IKBKB-DT: variants seen among roughly 807,000 people sequenced by gnomAD.
IKBKB-DT encodes IKBKB antisense RNA.
intron 3 of IKBKB-DT, among the ~76,000 whole-genome samples, chr8:42,239,115 A>G (rs888190957): frequency 6.6e-6 from 1 of 152,132 alleles, no homozygotes; most frequent in African/African-American, 2.4e-5. Flanking sequence ...GTGGTATCAG[A>G]GGAAGCAAGC....
intron 3 of IKBKB-DT, among the ~76,000 whole-genome samples, chr8:42,260,129 G>A (rs1390474324): frequency 6.6e-6 from 1 of 152,134 alleles, no homozygotes. Context: ...GTTCCCCAAA[G>A]AAGCCAGTAA....
At chr8:42,244,371 C>G (rs148025236) in intron 3 of IKBKB-DT, among the ~76,000 whole-genome samples, 11 of 152,246 alleles carry the variant, frequency 7.2e-5, no homozygotes, top group Non-Finnish European at 1.5e-4. Flanking sequence ...AGGGGGCTTC[C>G]CGGGCAGTTC....
chr8:42,242,048 C>T (rs548153825), intron 3 of IKBKB-DT, among the ~76,000 whole-genome samples: 21 of 152,200 alleles, frequency 1.4e-4, no homozygotes, highest in Admixed American at 1.2e-3. Context: ...AACCCCATCT[C>T]TACTAAAAAT....
chr8:42,240,959 A>G (rs1806994120), intron 3 of IKBKB-DT, among the ~76,000 whole-genome samples: 1 of 152,134 alleles, frequency 6.6e-6, no homozygotes. Context: ...TGGGCAACAT[A>G]GCAAGACTCC....
exon 1 of IKBKB-DT, chr8:42,271,090 G>A (rs1807617882): frequency 2.4e-6 from 1 of 411,016 alleles, no homozygotes; most frequent in East Asian, 5.6e-5. Context: ...AGAACAGGGT[G>A]TAACGGGGGT....
exon 2 of IKBKB-DT, chr8:42,266,200 C>T (rs1319971288): frequency 6.6e-6 from 1 of 152,492 alleles, no homozygotes; most frequent in African/African-American, 2.4e-5. Flanking sequence ...TCAGATGGGT[C>T]ATGAAAGAGT....
At chr8:42,259,118 C>T (rs772274501) in intron 3 of IKBKB-DT, among the ~76,000 whole-genome samples, 4 of 151,830 alleles carry the variant, frequency 2.6e-5, no homozygotes, top group Non-Finnish European at 4.4e-5. Context: ...CTCTGCCTCT[C>T]GGGTTCAAGC....
At chr8:42,238,489 T>A (rs1252725234) in intron 3 of IKBKB-DT, among the ~76,000 whole-genome samples, 4 of 152,158 alleles carry the variant, frequency 2.6e-5, no homozygotes, top group Admixed American at 6.5e-5. Flanking sequence ...GTCCACAAGA[T>A]GAGGATGATG....
intron 3 of IKBKB-DT, among the ~76,000 whole-genome samples, chr8:42,246,882 G>T (rs1807071482): frequency 6.6e-6 from 1 of 152,136 alleles, no homozygotes; most frequent in Non-Finnish European, 1.5e-5. Flanking sequence ...GGATGAAATT[G>T]TTCCACCTCA....
At chr8:42,237,473 A>T (rs1426120589) in intron 3 of IKBKB-DT, among the ~76,000 whole-genome samples, 1 of 151,760 alleles carries the variant, frequency 6.6e-6, no homozygotes. Flanking sequence ...GGCATATCTG[A>T]CCTCCTTTCC....
intron 3 of IKBKB-DT, among the ~76,000 whole-genome samples, chr8:42,249,994 A>T (rs2976701): frequency 1.3e-5 from 2 of 152,174 alleles, no homozygotes; most frequent in Non-Finnish European, 2.9e-5. Flanking sequence ...AGATAGAGCC[A>T]ATTTATCAAG....
intron 3 of IKBKB-DT, among the ~76,000 whole-genome samples, chr8:42,242,661 G>A (rs1462898502): frequency 1.3e-5 from 2 of 152,182 alleles, no homozygotes; most frequent in Non-Finnish European, 2.9e-5. Context: ...AGCATCTGCG[G>A]CTGATGCCTA....
rs1807072448 is a variant in IKBKB-DT, at chr8:42,246,969, TC to T, written n.1530-13111del. Reference sequence around the variant, plus strand: ...TCACATGCATAGTTCACAACAGGGTTCCTGCTCCTAGGAGAATCTGAGGCCG... The same window carrying T: ...TCACATGCATAGTTCACAACAGGGTTCTGCTCCTAGGAGAATCTGAGGCCG... On this transcript the variant is annotated intron_variant and non_coding_transcript_variant, in intron 3 of 3. Transcript: ENST00000518213. 7.2e-5 allele frequency among the ~76,000 whole-genome samples: 11 copies of T among 152,232 alleles called. No homozygotes were observed. The South Asian group carries it at 2.3e-3, about 32-fold the overall frequency.
At chr8:42,253,184 T>C (rs960699429) in intron 3 of IKBKB-DT, among the ~76,000 whole-genome samples, 1 of 152,232 alleles carries the variant, frequency 6.6e-6, no homozygotes. Flanking sequence ...TATCTTAACC[T>C]GAACATTTCC....
chr8:42,239,614 T>TTATATATATTTA (rs1554502584), intron 3 of IKBKB-DT, among the ~76,000 whole-genome samples: 31 of 19,912 alleles, frequency 1.6e-3, no homozygotes, highest in African/African-American at 4.0e-3. Flanking sequence ...AAAAGGCAAT[T>TTATATATATTTA]TATATATATA....
rs773177896 is a variant in IKBKB-DT at position 42,241,224 on chromosome 8, C to CTTTTTTTTTTTTTTTTTTTTTTTT, written n.1530-7389_1530-7366dup. Among the ~76,000 whole-genome samples the CTTTTTTTTTTTTTTTTTTTTTTTT allele has an allele frequency of 6.6e-5, 3 of 45,694 alleles. 1 individual carries two copies. Among genetic ancestry groups the CTTTTTTTTTTTTTTTTTTTTTTTT allele is most frequent in the Non-Finnish European group, 4.5e-5 (1 of 22,100 alleles). 30.0% of individuals were successfully genotyped at this position (45,694 alleles called of 152,430 possible). A position where few individuals can be genotyped will look rare whatever the true frequency, so the allele number is the denominator to read the frequency against. The stretch of plus-strand genomic sequence containing the variant: ...TTGATGCCTTTAGATATGTTGGAAT[C>CTTTTTTTTTTTTTTTTTTTTTTTT]TTTTTTTTTTTTTTTTTTTTTTTTT... On this transcript the variant is annotated intron_variant and non_coding_transcript_variant, in intron 3 of 3. Transcript: ENST00000518213.
At chr8:42,254,736 C>A (rs992432979) in intron 3 of IKBKB-DT, among the ~76,000 whole-genome samples, 1 of 149,974 alleles carries the variant, frequency 6.7e-6, no homozygotes, top group African/African-American at 2.5e-5. Context: ...AGCTTCCCAC[C>A]GTCTGGGAAG....
At chr8:42,252,630 G>A (rs1423507695) in intron 3 of IKBKB-DT, among the ~76,000 whole-genome samples, 1 of 152,228 alleles carries the variant, frequency 6.6e-6, no homozygotes, top group Non-Finnish European at 1.5e-5. Context: ...GCCTCCCAAT[G>A]TGCTGGGATT....
chr8:42,251,041 TCGAGACCAGCC>T (rs1807123033), intron 3 of IKBKB-DT, among the ~76,000 whole-genome samples: 2 of 151,988 alleles, frequency 1.3e-5, no homozygotes, highest in African/African-American at 4.8e-5. Context: ...GGTCAGGAGC[TCGAGACCAGCC>T]TGGCCAACGA....
Sources: allele counts gnomAD v4.1 joint callset (sites outside exome capture counted in the v4.1 genomes callset), GRCh38; gene constraint gnomAD v4.1.1; transcripts MANE v1.5; gene names NCBI Gene and HGNC (gene_info 2026-07-23, HGNC 2026-07-21).